Variants in TNXB observed in about 807,000 individuals in gnomAD.
TNXB encodes tenascin XB, also known as tenascin-X.
TNXB carries 183 observed loss-of-function variants against 340.5 expected under a neutral mutation model. The observed-to-expected ratio is 0.54, with a 90% CI of 0.48 to 0.61. The LOEUF (loss-of-function observed/expected upper bound fraction) is 0.61. Among genes scored for constraint, TNXB ranks in the 20% least tolerant of loss-of-function variants. The pLI is 0.00. For synonymous variants in TNXB, 2,121 were observed against 2,314.5 expected (o/e 0.92, Z 2.40); for missense variants, 4,613 against 5,446.4 (o/e 0.85, Z 4.82).
rs1348612957 is a variant in TNXB, at chr6:32,067,675, G to T, written c.6530C>A (p.Ala2177Asp). 1 of 1,613,498 alleles carries T rather than the reference G, an allele frequency of 6.2e-7. No individual in the cohort carries two copies. The highest frequency in any genetic ancestry group is 1.1e-5 in the South Asian group (1 of 91,068). The change falls in exon 18 of 44, where the codon GCT (alanine) becomes GAT (aspartate). Residue 2177 changes from alanine to aspartate, a missense_variant. By Grantham distance (126) the Ala-to-Asp change is moderately radical (BLOSUM62 -2). Coordinates refer to ENST00000644971, the MANE Select transcript of TNXB (RefSeq NM_001365276.2). The surrounding 1 kb of genome is among the most constrained non-coding windows in gnomAD (Gnocchi z 4.2). Reference protein sequence around the residue: ...HEGRRVGPVSAVGVTAPEEES... With the variant: ...HEGRRVGPVSDVGVTAPEEES... ...TGCACACTCACCCGTGACGCCCACA[G>T]CAGACACTGGGCCCACGCGCCGCCC...
chr6:32,081,398 C>G lies in TNXB; in HGVS notation c.4012G>C (p.Val1338Leu). 1 of 1,545,218 alleles carries G rather than the reference C, an allele frequency of 6.5e-7. No individual in the cohort carries two copies. The highest frequency in any genetic ancestry group is 8.7e-7 in the Non-Finnish European group (1 of 1,143,194). Residue 1338 changes from valine (V) to leucine (L), a missense_variant, in exon 10 of 44, where the codon GTG becomes CTG. By Grantham distance (32) the Val-to-Leu change is conservative. Coordinates refer to ENST00000644971, the MANE Select transcript of TNXB (RefSeq NM_001365276.2). The surrounding 1 kb of genome is among the most constrained non-coding windows in gnomAD (Gnocchi z 5.1). ...NLYGLRGRQR[V>L]GPESVVAKTA... The stretch of plus-strand genomic sequence containing the variant: ...TTGGCCACCACAGACTCGGGCCCCA[C>G]ACGCTGCCTGCCACGAAGCCCGTAG...
rs1400674249 is a variant in TNXB at position 32,096,694 on chromosome 6, C to A, written c.1159G>T (p.Glu387Ter). The change falls in exon 3 of 44, where the codon GAA becomes TAA. Residue 387 changes from glutamate to a stop codon, truncating the protein, a stop_gained. Transcript: ENST00000644971. LOFTEE classifies it high-confidence loss of function. The stretch of plus-strand genomic sequence containing the variant: ...CTGTAGCCCGTGTCGCAAATGCATT[C>A]GCCGTCCTCGCAGCGCCCGCGGCCC... ...CRGRGRCEDGECICDTGYSGD... is the reference protein window; with the variant it reads ...CRGRGRCEDG 1 of 1,548,398 alleles carries A rather than the reference C, an allele frequency of 6.5e-7. No individual in the cohort carries two copies. Among genetic ancestry groups the A allele is most frequent in the South Asian group, 1.2e-5 (1 of 84,416 alleles).
intron 34 of TNXB, 23 bp from the exon 35 acceptor site, chr6:32,043,915 G>C: frequency 6.2e-7 from 1 of 1,613,376 alleles, no homozygotes; most frequent in Non-Finnish European, 8.5e-7. Flanking sequence ...GGGATCGAGG[G>C]TTACCCAGGG....
In TNXB at chr6:32,047,921, C is replaced by T. The variant is rs753005170; in HGVS notation, c.10137G>A (p.Glu3379=). 7.4e-6 allele frequency: 12 copies of T among 1,612,576 alleles called. No individual in the cohort carries two copies. In the South Asian group the frequency reaches 1.3e-4, roughly 18 times the overall value. Residue 3379 remains glutamate (E), a synonymous_variant, in exon 30 of 44, where the codon GAG becomes GAA. Transcript: ENST00000644971. The surrounding 1 kb of genome is among the most constrained non-coding windows in gnomAD (Gnocchi z 6.2). The part of the protein sequence containing the change: ...DSVGLSWTVP[E]GEFDSFVVQY... Reference sequence around the variant, plus strand: ...GGACCACGAAGGAGTCGAATTCGCCCTCAGGGACCGTCCACGAGAGGCCCA... The same window carrying T: ...GGACCACGAAGGAGTCGAATTCGCCTTCAGGGACCGTCCACGAGAGGCCCA...
rs1479846756 is a variant in TNXB at position 32,068,715 on chromosome 6, G to A, written c.5903-8C>T. 1 of 1,611,558 alleles carries A rather than the reference G, an allele frequency of 6.2e-7. No individual in the cohort carries two copies. Among genetic ancestry groups the A allele is most frequent in the African/African-American group, 1.3e-5 (1 of 74,998 alleles). ...GCTTCTCCTCCTCCGGGACTGGACAGAGACATGGAAAGAGAGGACTGAGGT... is the reference window on the plus strand; with the variant it reads ...GCTTCTCCTCCTCCGGGACTGGACAAAGACATGGAAAGAGAGGACTGAGGT... On this transcript the variant is annotated splice_polypyrimidine_tract_variant and splice_region_variant and intron_variant, in intron 16 of 43. Coordinates refer to ENST00000644971, the MANE Select transcript of TNXB (RefSeq NM_001365276.2). The surrounding 1 kb of genome is among the most constrained non-coding windows in gnomAD (Gnocchi z 5.3).
Position 32,050,248 on chromosome 6 carries a change from C to T in TNXB, c.9189G>A (p.Leu3063=), listed in dbSNP as rs371734979. Residue 3063 remains leucine, a synonymous_variant, in exon 27 of 44, where the codon CTG becomes CTA. Transcript: ENST00000644971. ...TGGCATCTGTCACGGTCAGCTCCCC[C>T]AGGCGAGGCTTGATGGGGGGCTCAG... ...MTPEPPIKPR[L]GELTVTDATP... The T allele has an allele frequency of 9.3e-6, 15 of 1,613,470 alleles. No individual in the cohort carries two copies. The Admixed American group carries it at 1.7e-4, about 18-fold the overall frequency.
chr6:32,056,712 G>T lies in TNXB; in HGVS notation c.8017C>A (p.Arg2673=), dbSNP rs779108546. The T allele has an allele frequency of 7.4e-6, 12 of 1,613,024 alleles. No individual in the cohort carries two copies. Among genetic ancestry groups the T allele is most frequent in the Non-Finnish European group, 1.0e-5 (12 of 1,179,862 alleles). ...RNGDGQPKAV[R]VPGHEDGVTI... is the part of the protein sequence containing the mutation. Reference sequence around the variant, plus strand: ...ACCCCGTCCTCGTGCCCCGGCACCCGCACCGCCTTGGGCTGCCCATCCCCA... The same window carrying T: ...ACCCCGTCCTCGTGCCCCGGCACCCTCACCGCCTTGGGCTGCCCATCCCCA... The change falls in exon 23 of 44, where the codon CGG becomes AGG. Residue 2673 remains arginine (R), a synonymous_variant. Transcript: ENST00000644971.
chr6:32,095,883 C>T lies in TNXB; in HGVS notation c.1970G>A (p.Arg657Gln). The T allele has an allele frequency of 1.9e-6, 3 of 1,612,632 alleles. No homozygotes were observed. The highest frequency in any genetic ancestry group is 2.5e-6 in the Non-Finnish European group (3 of 1,179,424). The change falls in exon 3 of 44, where the codon CGG becomes CAG. Residue 657 changes from arginine (R) to glutamine (Q), a missense_variant. Coordinates refer to ENST00000644971, the MANE Select transcript of TNXB (RefSeq NM_001365276.2). ...CATRMCPADC[R>Q]GRGRCVQGVC... ...TCCTTGCACACACCGCCCACGTCCC[C>T]GGCAGTCAGCCGGGCACATGCGGGT...
chr6:32,063,223 A>G (rs1053038373), intron 19 of TNXB, among the ~76,000 whole-genome samples: 4 of 152,104 alleles, frequency 2.6e-5, no homozygotes, highest in Non-Finnish European at 5.9e-5. Context: ...TCCTGTCTGT[A>G]CTAAAAATAC....
Position 32,072,425 on chromosome 6 carries a change from C to T in TNXB, c.4682-127G>A. 1 of 699,564 alleles carries T rather than the reference C, an allele frequency of 1.4e-6. No homozygotes were observed. Among genetic ancestry groups the T allele is most frequent in the Non-Finnish European group, 2.2e-6 (1 of 460,432 alleles). The allele number at this position is 699,564 out of a possible 1,614,324, so 43.3% of individuals were successfully genotyped here. On this transcript the variant is annotated intron_variant, in intron 12 of 43. Coordinates refer to ENST00000644971, the MANE Select transcript of TNXB (RefSeq NM_001365276.2). This position sits in a 1 kb window ranked among gnomAD's most constrained non-coding sequence, Gnocchi z 4.4. ...TACACCTTTACTTCCAGACCTCTAA[C>T]TGAAATGCAGCATTTCTTTCCAAAA... is the stretch of plus-strand genomic sequence containing the variant.
chr6:32,058,167 C>T lies in TNXB; in HGVS notation c.7716G>A (p.Glu2572=), dbSNP rs975084989. Residue 2572 remains glutamate (E), a synonymous_variant, in exon 22 of 44, where the codon GAG becomes GAA. Coordinates refer to ENST00000644971, the MANE Select transcript of TNXB (RefSeq NM_001365276.2). The surrounding 1 kb of genome is among the most constrained non-coding windows in gnomAD (Gnocchi z 5.1). Reference sequence around the variant, plus strand: ...CCAGGCCCCTCACAGTGACCTTGCTCTCCTGGCCCCCAACACGCACCGCCT... The same window carrying T: ...CCAGGCCCCTCACAGTGACCTTGCTTTCCTGGCCCCCAACACGCACCGCCT... ...RPQAVRVGGQ[E]SKVTVRGLEP... is the part of the protein sequence containing the mutation. 1 of 1,612,666 alleles carries T rather than the reference C, an allele frequency of 6.2e-7. No homozygotes were observed.
chr6:32,042,698 C>G lies in TNXB; in HGVS notation c.12058+1G>C. 8.6e-7 allele frequency: 1 copy of G among 1,166,644 alleles called. No individual in the cohort carries two copies. The highest frequency in any genetic ancestry group is 1.2e-6 in the Non-Finnish European group (1 of 827,682). 72.3% of individuals were successfully genotyped at this position (1,166,644 alleles called of 1,614,324 possible). ...GGCCCCGGGCCCGTGCGTCCAGGTACCCGTGGTGAAAGAGGTGGACACGGG... is the reference window on the plus strand; with the variant it reads ...GGCCCCGGGCCCGTGCGTCCAGGTAGCCGTGGTGAAAGAGGTGGACACGGG... On this transcript the variant is annotated splice_donor_variant, in intron 39 of 43. Coordinates refer to ENST00000644971, the MANE Select transcript of TNXB (RefSeq NM_001365276.2). LOFTEE classifies it high-confidence loss of function.
Position 32,069,964 on chromosome 6 carries a change from T to A in TNXB, c.5279-103A>T. ...GTCTGGAGACAGGGCTTTGCGTGGC[T>A]GAGTCCTGCCGGGCTGTGCTAGGGG... On this transcript the variant is annotated intron_variant, in intron 14 of 43. Transcript: ENST00000644971. This position sits in a 1 kb window ranked among gnomAD's most constrained non-coding sequence, Gnocchi z 6.2. The A allele has an allele frequency of 7.2e-7, 1 of 1,385,024 alleles. No individual in the cohort carries two copies. Among genetic ancestry groups the A allele is most frequent in the Non-Finnish European group, 9.6e-7 (1 of 1,040,702 alleles). 85.8% of individuals were successfully genotyped at this position (1,385,024 alleles called of 1,614,324 possible).
chr6:32,041,329 C>G lies in TNXB; in HGVS notation c.*20G>C, dbSNP rs1383922301. 1.2e-6 allele frequency: 1 copy of G among 818,038 alleles called. No homozygotes were observed. Among genetic ancestry groups the G allele is most frequent in the Admixed American group, 2.0e-5 (1 of 49,784 alleles). 50.7% of individuals were successfully genotyped at this position (818,038 alleles called of 1,614,324 possible). A position where few individuals can be genotyped will look rare whatever the true frequency, so the allele number is the denominator to read the frequency against. ...AGTGCTCGGCAGTCATACTGGGGTG[C>G]GAGAGAGGTGGGCAGCAGCTCAGCC... On this transcript the variant is annotated 3_prime_UTR_variant, in exon 44 of 44. Transcript: ENST00000644971.
At chr6:32,094,079 G>A (rs1780201202) in intron 4 of TNXB, among the ~76,000 whole-genome samples, 1 of 117,514 alleles carries the variant, frequency 8.5e-6, no homozygotes, top group South Asian at 3.2e-4. Context: ...GGGCCACAGA[G>A]TGAGACTCTC....
Position 32,069,092 on chromosome 6 carries a change from G to C in TNXB, c.5632C>G (p.Pro1878Ala), listed in dbSNP as rs1226184420. The C allele has an allele frequency of 1.2e-6, 2 of 1,612,416 alleles. No homozygotes were observed. Among genetic ancestry groups the C allele is most frequent in the South Asian group, 1.1e-5 (1 of 91,070 alleles). Residue 1878 changes from proline to alanine, a missense_variant, in exon 16 of 44, where the codon CCA (proline) becomes GCA (alanine). Coordinates refer to ENST00000644971, the MANE Select transcript of TNXB (RefSeq NM_001365276.2). The surrounding 1 kb of genome is among the most constrained non-coding windows in gnomAD (Gnocchi z 6.2). Reference sequence around the variant, plus strand: ...TCCCCGAGGTGGGGCTCAGGCGCTGGAGGGGTCGGGGCCGTGGTCTCAGTT... The same window carrying C: ...TCCCCGAGGTGGGGCTCAGGCGCTGCAGGGGTCGGGGCCGTGGTCTCAGTT... ...TETETTAPTPPAPEPHLGELT... is the reference protein window; with the variant it reads ...TETETTAPTPAAPEPHLGELT...
Position 32,102,687 on chromosome 6 carries a change from C to T in TNXB, c.-8-4481G>A, listed in dbSNP as rs983588605. ...CTGTAATCCCGGCACTTTGGGAAGC[C>T]GAGGCGGGCGGATCACGAGGTCAAG... is the stretch of plus-strand genomic sequence containing the variant. On this transcript the variant is annotated intron_variant, in intron 1 of 43. Transcript: ENST00000644971. 3.9e-5 allele frequency among the ~76,000 whole-genome samples: 6 copies of T among 152,174 alleles called. No individual in the cohort carries two copies. In the East Asian group the frequency reaches 5.8e-4, roughly 15 times the overall value.
rs371430427 is a variant in TNXB, at chr6:32,073,814, A to G, written c.4514T>C (p.Ile1505Thr). ...TVPEGQFDSF[I>T]VQYKDKDGQP... The stretch of plus-strand genomic sequence containing the variant: ...CCCGTCCTTGTCCTTGTACTGGACT[A>G]TGAAGGAGTCAAACTGGCCCTCGGG... Residue 1505 changes from isoleucine (I) to threonine (T), a missense_variant, in exon 12 of 44, where the codon ATA becomes ACA. By Grantham distance (89) the Ile-to-Thr change is moderately conservative. Transcript: ENST00000644971. The surrounding 1 kb of genome is among the most constrained non-coding windows in gnomAD (Gnocchi z 4.6). 6.2e-7 allele frequency: 1 copy of G among 1,612,698 alleles called. No individual in the cohort carries two copies. Among genetic ancestry groups the G allele is most frequent in the African/African-American group, 1.3e-5 (1 of 74,874 alleles).
intron 22 of TNXB, among the ~76,000 whole-genome samples, chr6:32,057,527 G>A (rs1777739305): frequency 6.6e-6 from 1 of 152,188 alleles, no homozygotes; most frequent in Admixed American, 6.5e-5. Context: ...AGGCACAGCT[G>A]CTGGGGCCAT....
Sources: gnomAD v4.1 joint callset for allele counts (sites outside exome capture counted in the v4.1 genomes callset) on GRCh38, gnomAD v4.1.1 for gene constraint, Gnocchi (gnomAD v3.1) non-coding constraint, MANE v1.5 for transcripts, NCBI Gene and HGNC (gene_info 2026-07-23, HGNC 2026-07-21) for gene names.